Variants in AOAH observed in about 807,000 individuals in gnomAD.
The protein encoded by AOAH is acyloxyacyl hydrolase.
A neutral mutation model predicts 92.2 loss-of-function variants in AOAH; 64 were observed. The observed-to-expected ratio is 0.69, with a 90% confidence interval of 0.57 to 0.86. AOAH has a LOEUF of 0.86. Among genes scored for constraint, AOAH ranks in the 40% least tolerant of loss-of-function variants. AOAH has a pLI of 0.00. For missense variants in AOAH, 656 were observed against 694.6 expected (o/e 0.94, Z 0.62); for synonymous variants, 263 against 254.5 (o/e 1.03, Z -0.32).
At chr7:36,607,259 G>A (rs1393791787) in intron 11 of AOAH, among the ~76,000 whole-genome samples, 1 of 152,234 alleles carries the variant, frequency 6.6e-6, no homozygotes, top group Non-Finnish European at 1.5e-5. Context: ...ATAGAAGGCA[G>A]AAGGGCCCAT....
At chr7:36,571,283 G>T (rs571480001) in intron 13 of AOAH, among the ~76,000 whole-genome samples, 1 of 152,172 alleles carries the variant, frequency 6.6e-6, no homozygotes, top group Non-Finnish European at 1.5e-5. Flanking sequence ...AGAGCCGTTT[G>T]CTGATGGTCT....
At chr7:36,603,978 T>C (rs962099108) in intron 11 of AOAH, among the ~76,000 whole-genome samples, 10 of 152,222 alleles carry the variant, frequency 6.6e-5, no homozygotes, top group African/African-American at 2.4e-4. Flanking sequence ...CAGAAATTTA[T>C]TGTTCACTGT....
chr7:36,574,500 C>T (rs560010425), intron 13 of AOAH, among the ~76,000 whole-genome samples: 1 of 152,294 alleles, frequency 6.6e-6, no homozygotes, highest in East Asian at 1.9e-4. Context: ...TATGAAAGAT[C>T]ACTACATTTA....
chr7:36,722,289 T>G, intron 1 of AOAH, among the ~76,000 whole-genome samples: 1 of 152,158 alleles, frequency 6.6e-6, no homozygotes, highest in Non-Finnish European at 1.5e-5. Flanking sequence ...ACCTCCTTCT[T>G]ACCCTCTATG....
At chr7:36,699,117 T>C (rs922747021) in intron 1 of AOAH, among the ~76,000 whole-genome samples, 1 of 152,130 alleles carries the variant, frequency 6.6e-6, no homozygotes, top group Non-Finnish European at 1.5e-5. Context: ...TACATCCTTG[T>C]TGCTGCAAAT....
At chr7:36,712,671 A>C (rs986978070) in intron 1 of AOAH, among the ~76,000 whole-genome samples, 1 of 152,214 alleles carries the variant, frequency 6.6e-6, no homozygotes, top group Non-Finnish European at 1.5e-5. Flanking sequence ...AGTGGGGGCC[A>C]ATATTCAACA....
chr7:36,710,903 T>A (rs1052204699), intron 1 of AOAH, among the ~76,000 whole-genome samples: 1 of 151,546 alleles, frequency 6.6e-6, no homozygotes, highest in Non-Finnish European at 1.5e-5. Flanking sequence ...CAAGCACAGT[T>A]CTAAGTGACA....
chr7:36,696,156 C>T (rs1797695679), intron 1 of AOAH, among the ~76,000 whole-genome samples: 1 of 152,168 alleles, frequency 6.6e-6, no homozygotes, highest in Admixed American at 6.5e-5. Context: ...TGTCCCCACA[C>T]CAATACCACA....
chr7:36,537,605 G>A (rs981348313), intron 16 of AOAH, among the ~76,000 whole-genome samples: 3 of 149,314 alleles, frequency 2.0e-5, no homozygotes, highest in Admixed American at 1.4e-4. Flanking sequence ...TACAACCTCC[G>A]CCTCCCGGGT....
chr7:36,656,285 G>A (rs994766300), intron 4 of AOAH, among the ~76,000 whole-genome samples: 7 of 152,112 alleles, frequency 4.6e-5, no homozygotes, highest in Non-Finnish European at 7.4e-5. Flanking sequence ...AGCATATACC[G>A]CGCGAGGCCT....
Position 36,659,260 on chromosome 7 carries a change from C to A in AOAH, c.296G>T (p.Ser99Ile). Residue 99 changes from serine (S) to isoleucine (I), a missense_variant, in exon 4 of 21, where the codon AGC becomes ATC. Ser to Ile is a moderately radical substitution (Grantham distance 142). Transcript: ENST00000617537. ...TACCACATCAGCATTCATATCTGCG[C>A]TAAGCCTGGAGGGAAACGGTGCAAA... ...KFGSDIIKLL[S>I]ADMNADVVCH... 1 of 1,613,838 alleles carries A rather than the reference C, an allele frequency of 6.2e-7. No homozygotes were observed. The highest frequency in any genetic ancestry group is 8.5e-7 in the Non-Finnish European group (1 of 1,179,738).
intron 2 of AOAH, 44 bp from the exon 3 acceptor site, chr7:36,674,053 C>T (rs541444183): frequency 8.0e-5 from 89 of 1,117,892 alleles, no homozygotes; most frequent in Middle Eastern, 2.1e-4. Flanking sequence ...TTTATTGCGA[C>T]GAATTTAACA....
chr7:36,711,846 C>A (rs1798788812), intron 1 of AOAH, among the ~76,000 whole-genome samples: 1 of 152,156 alleles, frequency 6.6e-6, no homozygotes, highest in South Asian at 2.1e-4. Context: ...ACTTCACTTG[C>A]TGGCGCTCTT....
At chr7:36,670,012 C>T (rs929956080) in intron 3 of AOAH, among the ~76,000 whole-genome samples, 1 of 152,118 alleles carries the variant, frequency 6.6e-6, no homozygotes, top group African/African-American at 2.4e-5. Flanking sequence ...TAGCTCCTCC[C>T]TGCATGACTC....
rs149654329 is a variant in AOAH at position 36,628,780 on chromosome 7, C to A, written c.521+3256G>T. 4.5e-4 allele frequency among the ~76,000 whole-genome samples: 69 copies of A among 152,270 alleles called. No homozygotes were observed. In the Middle Eastern group the frequency reaches 0.02, roughly 45 times the overall value. On this transcript the variant is annotated intron_variant, in intron 6 of 20. Coordinates refer to ENST00000617537, the MANE Select transcript of AOAH (RefSeq NM_001637.4). ...GGCATTCCTCCTGGGGGAATTTTAT[C>A]GAAGGAATATGCCACAGAAGACACG...
At chr7:36,537,986 G>T (rs9655373) in intron 16 of AOAH, among the ~76,000 whole-genome samples, 87,753 of 150,006 alleles carry the variant, frequency 0.58, 25,821 homozygotes, top group East Asian at 0.75. Context: ...GTGGAGTCAT[G>T]CTTACATACC....
chr7:36,624,564 AT>A (rs1205760602), intron 6 of AOAH, among the ~76,000 whole-genome samples: 1 of 152,170 alleles, frequency 6.6e-6, no homozygotes, highest in Non-Finnish European at 1.5e-5. Flanking sequence ...GGGGCTGGGA[AT>A]TTTGCAAAAT....
At chr7:36,637,504 T>A (rs962572953) in intron 5 of AOAH, among the ~76,000 whole-genome samples, 1 of 151,846 alleles carries the variant, frequency 6.6e-6, no homozygotes, top group Non-Finnish European at 1.5e-5. Context: ...CTGGGAGGCA[T>A]TGTTGGTTGT....
chr7:36,660,731 G>A (rs939860238), intron 3 of AOAH, among the ~76,000 whole-genome samples: 10 of 152,262 alleles, frequency 6.6e-5, no homozygotes, highest in East Asian at 3.9e-4. Flanking sequence ...TAGATTCAAC[G>A]TATCTGATTC....
Sources: gnomAD v4.1 joint callset for allele counts (sites outside exome capture counted in the v4.1 genomes callset) on GRCh38, gnomAD v4.1.1 for gene constraint, MANE v1.5 for transcripts, NCBI Gene and HGNC (gene_info 2026-07-23, HGNC 2026-07-21) for gene names.